ANKRD6: variants seen among roughly 807,000 people sequenced by gnomAD.
ANKRD6 encodes ankyrin repeat domain 6, also known as ankyrin repeat domain-containing protein 6.
In ANKRD6, 56 loss-of-function variants were observed where a neutral mutation model predicts 82.3. The ratio of observed to expected loss-of-function variants is 0.68; its 90% CI spans 0.55 to 0.85. The LOEUF is 0.85. Ranked by LOEUF, ANKRD6 falls within the 40% of genes least tolerant of loss-of-function variation. ANKRD6 has a pLI of 0.00. For missense variants in ANKRD6, 852 were observed against 907.6 expected (o/e 0.94, Z 0.79); for synonymous variants, 347 against 352.1 (o/e 0.99, Z 0.16).
chr6:89,527,214 A>T (rs535339462), intron 1 of ANKRD6, among the ~76,000 whole-genome samples: 1 of 152,338 alleles, frequency 6.6e-6, no homozygotes, highest in Admixed American at 6.5e-5. Context: ...TTCCCAGTGT[A>T]TATGAAAGTT....
chr6:89,484,353 A>T (rs1355960621), intron 1 of ANKRD6, among the ~76,000 whole-genome samples: 2 of 152,060 alleles, frequency 1.3e-5, no homozygotes, highest in African/African-American at 4.8e-5. Flanking sequence ...TATTTTTTTT[A>T]TAAGTCCTTT....
rs1329728037 is a variant in ANKRD6, at chr6:89,588,098, G to C, written c.121-7818G>C. 2.0e-5 allele frequency among the ~76,000 whole-genome samples: 3 copies of C among 152,140 alleles called. No individual in the cohort carries two copies. In the East Asian group the frequency reaches 5.8e-4, roughly 29 times the overall value. ...CAGGGAACACCATCTATGATAAGAG[G>C]ACCCTTGGGGCACTTAGAAAAGTTG... On this transcript the variant is annotated intron_variant, in intron 2 of 15. Transcript: ENST00000339746.
chr6:89,500,211 G>T (rs1382217217), intron 1 of ANKRD6, among the ~76,000 whole-genome samples: 1 of 152,098 alleles, frequency 6.6e-6, no homozygotes, highest in Non-Finnish European at 1.5e-5. Context: ...CAACACAGGG[G>T]CTAAGTTCTA....
chr6:89,624,402 A>G lies in ANKRD6; in HGVS notation c.1219-137A>G, dbSNP rs1804848946. ...CAAAATTTGGCCTATAAGATGTTCCAAAGTTATGACAAGGATGAGCCTATC... is the reference window on the plus strand; with the variant it reads ...CAAAATTTGGCCTATAAGATGTTCCGAAGTTATGACAAGGATGAGCCTATC... On this transcript the variant is annotated intron_variant, in intron 12 of 15. Coordinates refer to ENST00000339746, the MANE Select transcript of ANKRD6 (RefSeq NM_001242809.2). The G allele has an allele frequency of 1.1e-5, 13 of 1,192,386 alleles. No homozygotes were observed. The Admixed American group carries it at 3.5e-4, about 32-fold the overall frequency. The allele number at this position is 1,192,386 out of a possible 1,614,324, so 73.9% of individuals were successfully genotyped here. A position where few individuals can be genotyped will look rare whatever the true frequency, so the allele number is the denominator to read the frequency against.
intron 1 of ANKRD6, among the ~76,000 whole-genome samples, chr6:89,543,606 C>T (rs1481050585): frequency 6.6e-6 from 1 of 152,148 alleles, no homozygotes; most frequent in South Asian, 2.1e-4. Flanking sequence ...GTAGAAGGTT[C>T]TTTTGTAGAG....
intron 1 of ANKRD6, among the ~76,000 whole-genome samples, chr6:89,545,226 A>AG (rs71024381): frequency 0.17 from 25,155 of 149,160 alleles, 2,522 homozygotes; most frequent in Non-Finnish European, 0.22. Flanking sequence ...AAAAAAAAAA[A>AG]AAAAGAAAAG....
chr6:89,570,519 C>T (rs758562702), intron 2 of ANKRD6, among the ~76,000 whole-genome samples: 14 of 152,154 alleles, frequency 9.2e-5, no homozygotes, highest in Non-Finnish European at 1.8e-4. Flanking sequence ...TTCGTCTTCC[C>T]CAGCTGAAGC....
At chr6:89,464,891 G>T (rs1300796782) in intron 1 of ANKRD6, among the ~76,000 whole-genome samples, 1 of 152,154 alleles carries the variant, frequency 6.6e-6, no homozygotes, top group Non-Finnish European at 1.5e-5. Flanking sequence ...CTATTTGTTT[G>T]TGTCTGTGTT....
chr6:89,445,233 T>A (rs968843521), intron 1 of ANKRD6, among the ~76,000 whole-genome samples: 36 of 151,332 alleles, frequency 2.4e-4, no homozygotes, highest in African/African-American at 8.5e-4. Flanking sequence ...TTATGAAAAA[T>A]TGTTTCGGTG....
chr6:89,484,173 G>T (rs1184611837), intron 1 of ANKRD6, among the ~76,000 whole-genome samples: 2 of 152,218 alleles, frequency 1.3e-5, no homozygotes, highest in South Asian at 2.1e-4. Context: ...CTCCCAAGGT[G>T]CTGGAGTTAC....
intron 1 of ANKRD6, chr6:89,508,747 C>T (rs973536487): frequency 6.6e-6 from 1 of 152,146 alleles, no homozygotes; most frequent in Non-Finnish European, 1.5e-5. Context: ...TGTGAATGGT[C>T]CCCACTTCTT....
chr6:89,627,845 A>T (rs988379837), intron 14 of ANKRD6, 149 bp downstream of exon 14: 1 of 647,458 alleles, frequency 1.5e-6, no homozygotes, highest in Admixed American at 3.0e-5. Flanking sequence ...TACTGAAATG[A>T]GGTTAATAGA....
At chr6:89,481,379 TG>T (rs1776785780) in intron 1 of ANKRD6, among the ~76,000 whole-genome samples, 1 of 152,122 alleles carries the variant, frequency 6.6e-6, no homozygotes, top group South Asian at 2.1e-4. Context: ...TCAAAGGAAA[TG>T]CTTATTGGAG....
intron 2 of ANKRD6, among the ~76,000 whole-genome samples, chr6:89,595,441 A>G (rs1168161064): frequency 6.6e-6 from 1 of 151,772 alleles, no homozygotes; most frequent in Non-Finnish European, 1.5e-5. Flanking sequence ...AAAAAAAAAA[A>G]GGAAGAACCT....
intron 1 of ANKRD6, among the ~76,000 whole-genome samples, chr6:89,512,124 T>G (rs1021287718): frequency 1.3e-5 from 2 of 152,044 alleles, no homozygotes; most frequent in African/African-American, 2.4e-5. Flanking sequence ...GTTCTTTGAG[T>G]CCTGGAGAAG....
At chr6:89,480,434 T>C (rs1471198261) in intron 1 of ANKRD6, among the ~76,000 whole-genome samples, 1 of 152,134 alleles carries the variant, frequency 6.6e-6, no homozygotes, top group Non-Finnish European at 1.5e-5. Context: ...CCAGCAAGGA[T>C]TGTATTGTTC....
chr6:89,461,933 G>C (rs1774198393), intron 1 of ANKRD6, among the ~76,000 whole-genome samples: 1 of 151,974 alleles, frequency 6.6e-6, no homozygotes, highest in Admixed American at 6.6e-5. Context: ...ACCAGTGCTA[G>C]TTTTAAAAGT....
chr6:89,577,139 C>A (rs1164682192), intron 2 of ANKRD6, among the ~76,000 whole-genome samples: 2 of 151,810 alleles, frequency 1.3e-5, no homozygotes, highest in Non-Finnish European at 2.9e-5. Flanking sequence ...GAGGCCTGGT[C>A]CTCTTCCCAA....
intron 9 of ANKRD6, 116 bp from the exon 10 acceptor site, chr6:89,621,806 C>G: frequency 4.0e-6 from 4 of 988,826 alleles, no homozygotes; most frequent in Non-Finnish European, 4.7e-6. Flanking sequence ...TGAACACCTG[C>G]TCTCACCCTC....
Sources: allele counts gnomAD v4.1 joint callset (sites outside exome capture counted in the v4.1 genomes callset), GRCh38; gene constraint gnomAD v4.1.1; transcripts MANE v1.5; gene names NCBI Gene and HGNC (gene_info 2026-07-23, HGNC 2026-07-21).